Variants in RASSF5 observed in about 807,000 individuals in gnomAD.
The protein encoded by RASSF5 is Ras association domain family member 5.
A neutral mutation model predicts 40.5 loss-of-function variants in RASSF5; 25 were observed. That is an observed-to-expected ratio of 0.62 (90% CI 0.45 to 0.86). The LOEUF (loss-of-function observed/expected upper bound fraction) is 0.86. Among genes scored for constraint, RASSF5 ranks in the 40% least tolerant of loss-of-function variants. The probability of loss-of-function intolerance (pLI) is 0.00; values close to 1 mark genes in which losing one functional copy is unlikely to be tolerated. For missense variants in RASSF5, 521 were observed against 572.8 expected, an observed-to-expected ratio of 0.91 and a Z score of 0.92; for synonymous variants, 246 against 252.4, an observed-to-expected ratio of 0.97 and a Z score of 0.24.
intron 2 of RASSF5, among the ~76,000 whole-genome samples, chr1:206,563,807 TAGAGAGGGA>T (rs1668214683): frequency 6.6e-6 from 1 of 152,194 alleles, no homozygotes; most frequent in South Asian, 2.1e-4. Context: ...AACTGAAGTC[TAGAGAGGGA>T]AGAGGATTTG....
intron 2 of RASSF5, among the ~76,000 whole-genome samples, chr1:206,580,365 T>C (rs1268634260): frequency 6.6e-6 from 1 of 152,196 alleles, no homozygotes; most frequent in Non-Finnish European, 1.5e-5. Context: ...TACTTATTTT[T>C]TATAGACAAG....
chr1:206,563,136 G>A (rs555278242), intron 2 of RASSF5, among the ~76,000 whole-genome samples: 19 of 152,160 alleles, frequency 1.2e-4, no homozygotes, highest in African/African-American at 1.9e-4. Context: ...GGCCAGACCC[G>A]GAAATGGTGG....
intron 2 of RASSF5, among the ~76,000 whole-genome samples, chr1:206,556,375 A>C (rs1667987062): frequency 6.6e-6 from 1 of 152,244 alleles, no homozygotes; most frequent in South Asian, 2.1e-4. Context: ...ACTTGCACAG[A>C]GAGTTGTTCA....
rs781821022 is a variant in RASSF5 at position 206,538,237 on chromosome 1, G to A, written c.523G>A (p.Gly175Ser). ...LIQLDCSQQE[G>S]LSRDRPSPES... ...CCAGTTGGACTGCAGTCAGCAGGAG[G>A]GTTTATCCCGGGACAGACCCTCTCC... The change falls in exon 2 of 6, where the codon GGT (glycine) becomes AGT (serine). Residue 175 changes from glycine (G) to serine (S), a missense_variant. By Grantham distance (56) the Gly-to-Ser change is moderately conservative. Transcript: ENST00000579436. 23 of 1,614,046 alleles carry A rather than the reference G, an allele frequency of 1.4e-5. No individual in the cohort carries two copies. Among genetic ancestry groups the A allele is most frequent in the Non-Finnish European group, 1.9e-5 (23 of 1,180,040 alleles).
intron 1 of RASSF5, among the ~76,000 whole-genome samples, chr1:206,537,468 C>T (rs1667445712): frequency 6.6e-6 from 1 of 152,144 alleles, no homozygotes; most frequent in Non-Finnish European, 1.5e-5. Flanking sequence ...CAAGATATGT[C>T]CTCCTTTATA....
chr1:206,522,622 G>A (rs1311864430), intron 1 of RASSF5, among the ~76,000 whole-genome samples: 6 of 152,092 alleles, frequency 3.9e-5, no homozygotes, highest in African/African-American at 1.4e-4. Context: ...GGGATTCTCA[G>A]GACTGCTCTG....
At chr1:206,547,712 A>T (rs1452946870) in intron 2 of RASSF5, among the ~76,000 whole-genome samples, 1 of 152,124 alleles carries the variant, frequency 6.6e-6, no homozygotes, top group South Asian at 2.1e-4. Context: ...CTTCCACAAA[A>T]CCAGTCCCTG....
chr1:206,569,035 C>CA (rs782431937), intron 2 of RASSF5, among the ~76,000 whole-genome samples: 6 of 152,246 alleles, frequency 3.9e-5, no homozygotes, highest in Non-Finnish European at 8.8e-5. Flanking sequence ...AGTGGGAGAA[C>CA]ATCTGGAGAA....
Position 206,560,617 on chromosome 1 carries a change from G to A in RASSF5, c.579+22324G>A, listed in dbSNP as rs782531107. On this transcript the variant is annotated intron_variant, in intron 2 of 5. Transcript: ENST00000579436. The surrounding 1 kb of genome is among the most constrained non-coding windows in gnomAD (Gnocchi z 5.1). ...CCACTTGGCTAGGCACAATTAGATC[G>A]TGTTTCTCTGGGTCAGGCATGTCAC... Among the ~76,000 whole-genome samples the A allele has an allele frequency of 1.3e-5, 2 of 152,330 alleles. No individual in the cohort carries two copies. The highest frequency in any genetic ancestry group is 6.5e-5 in the Admixed American group (1 of 15,306).
rs1667092467 is a variant in RASSF5, at chr1:206,526,255, G to T, written c.458-11917G>T. Among the ~76,000 whole-genome samples, 4 of 57,898 alleles carry T rather than the reference G, an allele frequency of 6.9e-5. No individual in the cohort carries two copies. The South Asian group carries it at 3.4e-3, about 49-fold the overall frequency. The allele number at this position is 57,898 out of a possible 152,430, so 38.0% of individuals were successfully genotyped here. ...ATTGACCTTTCCTGTTTGCTTCCTG[G>T]CTTGCTTTCTGGCAGTGTGTGTGTG... is the stretch of plus-strand genomic sequence containing the variant. On this transcript the variant is annotated intron_variant, in intron 1 of 5. Coordinates refer to ENST00000579436, the MANE Select transcript of RASSF5 (RefSeq NM_182663.4).
rs2095124 is a variant in RASSF5 at position 206,507,650 on chromosome 1, A to C, written c.48A>C (p.Leu16=). Residue 16 remains leucine (L), a synonymous_variant, in exon 1 of 6, where the codon CTA becomes CTC. Transcript: ENST00000579436. ...PAIGQRPYPL[L]LDPEPPRYLQ... ...TCGGGCAGCGCCCGTACCCGCTACT[A>C]TTGGACCCCGAGCCGCCGCGCTATC... is the stretch of plus-strand genomic sequence containing the variant. 1,295,603 of 1,532,270 alleles carry C rather than the reference A, an allele frequency of 0.85. 549,936 individuals are homozygous for C. Among genetic ancestry groups the C allele is most frequent in the East Asian group, 1 (36,356 of 36,364 alleles). The allele number at this position is 1,532,270 out of a possible 1,614,324, so 94.9% of individuals were successfully genotyped here. A position where few individuals can be genotyped will look rare whatever the true frequency, so the allele number is the denominator to read the frequency against.
intron 1 of RASSF5, among the ~76,000 whole-genome samples, chr1:206,533,531 G>A (rs1667300080): frequency 6.6e-6 from 1 of 152,102 alleles, no homozygotes; most frequent in South Asian, 2.1e-4. Context: ...TGAAGTGGGA[G>A]GATCACTTGA....
At chr1:206,580,148 A>C (rs1331635707) in intron 2 of RASSF5, among the ~76,000 whole-genome samples, 1 of 152,170 alleles carries the variant, frequency 6.6e-6, no homozygotes, top group African/African-American at 2.4e-5. Context: ...TGTGGTGGGA[A>C]GGGGAGAGAT....
intron 1 of RASSF5, among the ~76,000 whole-genome samples, chr1:206,526,176 G>T (rs1667091247): frequency 6.6e-6 from 1 of 152,170 alleles, no homozygotes. Flanking sequence ...CTGTCCACAT[G>T]AGGGGCTGGC....
At chr1:206,540,372 T>A (rs1667514991) in intron 2 of RASSF5, among the ~76,000 whole-genome samples, 1 of 152,226 alleles carries the variant, frequency 6.6e-6, no homozygotes, top group Non-Finnish European at 1.5e-5. Flanking sequence ...CCCCCTTTCC[T>A]CTGCTGGAGA....
chr1:206,585,374 C>G (rs782660974), intron 5 of RASSF5, 79 bp downstream of exon 5: 1 of 1,022,206 alleles, frequency 9.8e-7, no homozygotes, highest in Non-Finnish European at 1.6e-6. Flanking sequence ...CTAACTACCT[C>G]ACATAGGTGG....
At chr1:206,569,574 C>G (rs1668384164) in intron 2 of RASSF5, among the ~76,000 whole-genome samples, 1 of 152,238 alleles carries the variant, frequency 6.6e-6, no homozygotes, top group African/African-American at 2.4e-5. Flanking sequence ...GCAGGGCCAC[C>G]TCAGTCTGCT....
chr1:206,558,241 T>C (rs1016990705), intron 2 of RASSF5, among the ~76,000 whole-genome samples: 3 of 152,232 alleles, frequency 2.0e-5, no homozygotes, highest in Non-Finnish European at 4.4e-5. Flanking sequence ...GCTGTCATGC[T>C]ACCACTTTAA....
rs1667856308 is a variant in RASSF5 at position 206,552,076 on chromosome 1, G to T, written c.579+13783G>T. On this transcript the variant is annotated intron_variant, in intron 2 of 5. Coordinates refer to ENST00000579436, the MANE Select transcript of RASSF5 (RefSeq NM_182663.4). The surrounding 1 kb of genome is among the most constrained non-coding windows in gnomAD (Gnocchi z 4.1). Reference sequence around the variant, plus strand: ...AACTCAGCTATCTTCAGTAGGTTCAGTGTCAAGGCCTATCGAAGCTGTTAG... The same window carrying T: ...AACTCAGCTATCTTCAGTAGGTTCATTGTCAAGGCCTATCGAAGCTGTTAG... Among the ~76,000 whole-genome samples, 1 of 152,246 alleles carries T rather than the reference G, an allele frequency of 6.6e-6. No individual in the cohort carries two copies. The highest frequency in any genetic ancestry group is 2.1e-4 in the South Asian group (1 of 4,832).
Sources: gnomAD v4.1 joint callset for allele counts (sites outside exome capture counted in the v4.1 genomes callset) on GRCh38, gnomAD v4.1.1 for gene constraint, Gnocchi (gnomAD v3.1) non-coding constraint, MANE v1.5 for transcripts, NCBI Gene and HGNC (gene_info 2026-07-23, HGNC 2026-07-21) for gene names.